The following KCNA3 variants were observed in gnomAD, a reference collection of about 807,000 sequenced individuals.
The protein encoded by KCNA3 is potassium voltage-gated channel subfamily A member 3.
A neutral mutation model predicts 34.3 loss-of-function variants in KCNA3; 18 were observed. The ratio of observed to expected loss-of-function variants is 0.52; its 90% CI spans 0.36 to 0.78. The LOEUF is 0.78. KCNA3 is among the 30% of genes least tolerant of loss of function. The probability of loss-of-function intolerance (pLI) is 0.00; values close to 1 mark genes in which losing one functional copy is unlikely to be tolerated. For missense variants in KCNA3, 587 were observed against 802.5 expected (o/e 0.73, Z 3.24); for synonymous variants, 324 against 351.7 (o/e 0.92, Z 0.88).
At chr1:110,666,605 C>T in the KCNA3 span, among the ~76,000 whole-genome samples, 1,679 of 152,132 alleles carry the variant, frequency 0.011, 29 homozygotes, top group African/African-American at 0.039. Flanking sequence ...GTTATATAAT[C>T]GGATTTTGGT....
chr1:110,674,627 C>T lies in KCNA3; in HGVS notation c.183G>A (p.Leu61=). 6.4e-7 allele frequency: 1 copy of T among 1,553,176 alleles called. No individual in the cohort carries two copies. Among genetic ancestry groups the T allele is most frequent in the Non-Finnish European group, 8.6e-7 (1 of 1,159,538 alleles). ...PDMTVVPGDH[L]LEPEVADGGG... is the part of the protein sequence containing the mutation. Reference sequence around the variant, plus strand: ...CACCATCGGCCACCTCCGGCTCCAGCAGGTGGTCCCCGGGCACCACGGTCA... The same window carrying T: ...CACCATCGGCCACCTCCGGCTCCAGTAGGTGGTCCCCGGGCACCACGGTCA... Residue 61 remains leucine (L), a synonymous_variant, in exon 1 of 1, where the codon CTG becomes CTA. Coordinates refer to ENST00000369769, the MANE Select transcript of KCNA3 (RefSeq NM_002232.5). This position sits in a 1 kb window ranked among gnomAD's most constrained non-coding sequence, Gnocchi z 6.4.
In KCNA3 at chr1:110,674,922, C is replaced by G; in HGVS notation, c.-113G>C. 1 of 1,242,350 alleles carries G rather than the reference C, an allele frequency of 8.0e-7. No homozygotes were observed. The highest frequency in any genetic ancestry group is 1.0e-6 in the Non-Finnish European group (1 of 987,044). The allele number at this position is 1,242,350 out of a possible 1,614,324, so 77.0% of individuals were successfully genotyped here. ...CCACCGCCTGTTGCAGCCAAAGCCG[C>G]GATGCTCTGTCTGGGTCTGGCGCGG... On this transcript the variant is annotated 5_prime_UTR_variant, in exon 1 of 1. Coordinates refer to ENST00000369769, the MANE Select transcript of KCNA3 (RefSeq NM_002232.5). This position sits in a 1 kb window ranked among gnomAD's most constrained non-coding sequence, Gnocchi z 6.4.
At chr1:110,665,603 G>T in the KCNA3 span, among the ~76,000 whole-genome samples, 1 of 152,204 alleles carries the variant, frequency 6.6e-6, no homozygotes, top group African/African-American at 2.4e-5. Flanking sequence ...TGGAAATTCA[G>T]TCAGGAGCTC....
At position 110,674,119 on chromosome 1, in the gene KCNA3, C is replaced by T. The variant is rs1302122606; in HGVS notation, c.691G>A (p.Gly231Arg). The T allele has an allele frequency of 1.2e-6, 2 of 1,611,772 alleles. No individual in the cohort carries two copies. Among genetic ancestry groups the T allele is most frequent in the Admixed American group, 1.7e-5 (1 of 59,888 alleles). ...WLLFEYPESS[G>R]PARGIAIVSV... ...ACGATGGCGATGCCCCGGGCCGGCC[C>T]GGAGCTCTCGGGGTACTCGAAGAGC... The change falls in exon 1 of 1, where the codon GGG becomes AGG. Residue 231 changes from glycine to arginine, a missense_variant. By Grantham distance (125) the Gly-to-Arg change is moderately radical. Transcript: ENST00000369769. The surrounding 1 kb of genome is among the most constrained non-coding windows in gnomAD (Gnocchi z 6.4).
chr1:110,654,984 TATA>T, the KCNA3 span: 1 of 152,122 alleles, frequency 6.6e-6, no homozygotes, highest in African/African-American at 2.4e-5. Context: ...AAGCAAATCT[TATA>T]GTAAACTAAC....
chr1:110,673,316 C>T lies in KCNA3; in HGVS notation c.1494G>A (p.Gln498=). ...GCTGGCAACTTCCCACGTGCATGTA[C>T]TGGGATTGCTCTTCCCCTTCTGTCT... is the stretch of plus-strand genomic sequence containing the variant. ...HRETEGEEQS[Q]YMHVGSCQHL... Residue 498 remains glutamine, a synonymous_variant, in exon 1 of 1, where the codon CAG becomes CAA. Coordinates refer to ENST00000369769, the MANE Select transcript of KCNA3 (RefSeq NM_002232.5). This position sits in a 1 kb window ranked among gnomAD's most constrained non-coding sequence, Gnocchi z 8.8. The T allele has an allele frequency of 6.2e-7, 1 of 1,613,980 alleles. No homozygotes were observed.
the KCNA3 span, among the ~76,000 whole-genome samples, chr1:110,663,140 C>A: frequency 6.6e-6 from 1 of 151,996 alleles, no homozygotes; most frequent in Non-Finnish European, 1.5e-5. Flanking sequence ...ATGTCTAATA[C>A]CTTGACTAAA....
downstream of KCNA3, among the ~76,000 whole-genome samples, chr1:110,667,991 C>T (rs1238198035): frequency 6.6e-6 from 1 of 152,120 alleles, no homozygotes; most frequent in Non-Finnish European, 1.5e-5. Flanking sequence ...CTTTTTCCTG[C>T]CTCCTTTGAT....
the KCNA3 span, among the ~76,000 whole-genome samples, chr1:110,662,676 A>C: frequency 6.6e-6 from 1 of 152,160 alleles, no homozygotes; most frequent in African/African-American, 2.4e-5. Context: ...AAAAACCTTT[A>C]ATCTCACTCA....
chr1:110,674,783 G>A lies in KCNA3; in HGVS notation c.27C>T (p.Arg9=). 7.5e-7 allele frequency: 1 copy of A among 1,338,436 alleles called. No homozygotes were observed. The highest frequency in any genetic ancestry group is 9.5e-7 in the Non-Finnish European group (1 of 1,052,750). The allele number at this position is 1,338,436 out of a possible 1,614,324, so 82.9% of individuals were successfully genotyped here. A position where few individuals can be genotyped will look rare whatever the true frequency, so the allele number is the denominator to read the frequency against. The change falls in exon 1 of 1, where the codon CGC becomes CGT. Residue 9 remains arginine (R), a synonymous_variant. Transcript: ENST00000369769. This position sits in a 1 kb window ranked among gnomAD's most constrained non-coding sequence, Gnocchi z 6.4. ...GGCGGGCTGAGGGCGGCGGCGGCGA[G>A]CGCAGAAGGCTGAGGCGCTCGTCCA... is the stretch of plus-strand genomic sequence containing the variant. The part of the protein sequence containing the change: MDERLSLL[R]SPPPPSARHR...
chr1:110,657,389 T>C, the KCNA3 span, among the ~76,000 whole-genome samples: 2 of 152,138 alleles, frequency 1.3e-5, no homozygotes, highest in Non-Finnish European at 2.9e-5. Context: ...TAATGAGAAT[T>C]TGGGGACTGG....
the KCNA3 span, chr1:110,653,580 A>T: frequency 6.6e-6 from 1 of 152,224 alleles, no homozygotes; most frequent in African/African-American, 2.4e-5. Flanking sequence ...TCTTTTATTG[A>T]ATTCTGTATA....
At chr1:110,656,217 A>C in the KCNA3 span, 7 of 152,242 alleles carry the variant, frequency 4.6e-5, no homozygotes, top group South Asian at 2.1e-4. Context: ...GAGAAGATTA[A>C]CTGGAACAGA....
chr1:110,674,736 C>T lies in KCNA3; in HGVS notation c.74G>A (p.Arg25His). ...SARHRAHPPQ[R>H]PASSGGAHTL... ...GTGGGCACCGCCGCTGCTCGCTGGG[C>T]GCTGAGGAGGGTGGGCGCGGTGGCG... Residue 25 changes from arginine (R) to histidine (H), a missense_variant, in exon 1 of 1, where the codon CGC (arginine) becomes CAC (histidine). By Grantham distance (29) the Arg-to-His change is conservative. This residue lies in a region of KCNA3 where 341 missense variants were observed against 355.4 expected (regional missense o/e 0.96). Transcript: ENST00000369769. This position sits in a 1 kb window ranked among gnomAD's most constrained non-coding sequence, Gnocchi z 6.4. The T allele has an allele frequency of 2.8e-6, 4 of 1,423,118 alleles. No individual in the cohort carries two copies. Among genetic ancestry groups the T allele is most frequent in the Non-Finnish European group, 3.6e-6 (4 of 1,096,416 alleles). The allele number at this position is 1,423,118 out of a possible 1,614,324, so 88.2% of individuals were successfully genotyped here.
At chr1:110,661,952 C>CA in the KCNA3 span, among the ~76,000 whole-genome samples, 266 of 143,592 alleles carry the variant, frequency 1.9e-3, no homozygotes, top group Middle Eastern at 7.1e-3. Flanking sequence ...ACTAAAAATA[C>CA]AAAAAAAAAA....
chr1:110,659,997 T>C, the KCNA3 span, among the ~76,000 whole-genome samples: 5 of 152,106 alleles, frequency 3.3e-5, no homozygotes, highest in East Asian at 1.9e-4. Context: ...GACAAGTTGA[T>C]GGGTGCAGCA....
chr1:110,658,859 C>T, the KCNA3 span, among the ~76,000 whole-genome samples: 3 of 152,038 alleles, frequency 2.0e-5, no homozygotes, highest in African/African-American at 7.2e-5. Context: ...AATATTAAAA[C>T]ATGTAGTAAG....
At chr1:110,663,921 T>C in the KCNA3 span, among the ~76,000 whole-genome samples, 1 of 152,226 alleles carries the variant, frequency 6.6e-6, no homozygotes, top group Admixed American at 6.5e-5. Flanking sequence ...TTTATTATTT[T>C]AAAAAATAGC....
chr1:110,674,926 G>A lies in KCNA3; in HGVS notation c.-117C>T. 8.1e-7 allele frequency: 1 copy of A among 1,232,202 alleles called. No individual in the cohort carries two copies. The highest frequency in any genetic ancestry group is 1.0e-6 in the Non-Finnish European group (1 of 977,804). The allele number at this position is 1,232,202 out of a possible 1,614,324, so 76.3% of individuals were successfully genotyped here. A position where few individuals can be genotyped will look rare whatever the true frequency, so the allele number is the denominator to read the frequency against. On this transcript the variant is annotated 5_prime_UTR_variant, in exon 1 of 1. Coordinates refer to ENST00000369769, the MANE Select transcript of KCNA3 (RefSeq NM_002232.5). The surrounding 1 kb of genome is among the most constrained non-coding windows in gnomAD (Gnocchi z 6.4). ...CGCCTGTTGCAGCCAAAGCCGCGAT[G>A]CTCTGTCTGGGTCTGGCGCGGTCAG... is the stretch of plus-strand genomic sequence containing the variant.
Sources: allele counts gnomAD v4.1 joint callset (sites outside exome capture counted in the v4.1 genomes callset), GRCh38; gene constraint gnomAD v4.1.1; regional missense constraint gnomAD v4.1.1; non-coding constraint Gnocchi (gnomAD v3.1); transcripts MANE v1.5; gene names NCBI Gene and HGNC (gene_info 2026-07-23, HGNC 2026-07-21).